The following RIBC1 variants were observed in gnomAD, a reference collection of about 807,000 sequenced individuals.
The protein encoded by RIBC1 is RIB43A domain with coiled-coils 1.
A neutral mutation model predicts 33.7 loss-of-function variants in RIBC1; 12 were observed. That is an observed-to-expected ratio of 0.36 (90% CI 0.23 to 0.58). The LOEUF (loss-of-function observed/expected upper bound fraction) is 0.58, where lower values mean the gene tolerates loss of function less well. Among genes scored for constraint, RIBC1 ranks in the 20% least tolerant of loss-of-function variants. The pLI is 0.81. For synonymous variants in RIBC1, 89 were observed against 109.0 expected, an observed-to-expected ratio of 0.82 and a Z score of 1.14; for missense variants, 242 against 311.6, an observed-to-expected ratio of 0.78 and a Z score of 1.68.
At chrX:53,423,984 G>A (rs946427882) in intron 2 of RIBC1, among the ~76,000 whole-genome samples, 2 of 111,354 alleles carry the variant, frequency 1.8e-5, no homozygotes, top group Non-Finnish European at 3.8e-5. Flanking sequence ...CGAAGCAGGA[G>A]GATCACTTGA....
rs781985532 is a variant in RIBC1 at position 53,429,933 on chromosome X, G to A, written c.624G>A (p.Ala208=). 3.4e-5 allele frequency: 41 copies of A among 1,209,748 alleles called. No individual in the cohort carries two copies. The highest frequency in any genetic ancestry group is 1.3e-4 in the Admixed American group (6 of 46,072). ...HLARLEESCR[A]AMMCAMANAN... ...CCAGGCTGGAGGAGTCCTGTCGTGC[G>A]GCCATGATGTGTGCCATGGCCAACG... The change falls in exon 6 of 8, where the codon GCG becomes GCA. Residue 208 remains alanine (A), a synonymous_variant. Coordinates refer to ENST00000375327, the MANE Select transcript of RIBC1 (RefSeq NM_001031745.5).
At chrX:53,428,749 G>T (rs1556893661) in intron 5 of RIBC1, 122 bp downstream of exon 5, 1 of 1,127,603 alleles carries the variant, frequency 8.9e-7, no homozygotes, top group Non-Finnish European at 1.2e-6. Flanking sequence ...TAGGGTTGGT[G>T]CTGAAATGTT....
At position 53,428,061 on chromosome X, in the gene RIBC1, A is replaced by G; in HGVS notation, c.176A>G (p.Glu59Gly). ...GACCGAAAGCGTCGGGAAGCAGCAGAAAGAAGCAAGGAGGCAGCTTATGGT... is the reference window on the plus strand; with the variant it reads ...GACCGAAAGCGTCGGGAAGCAGCAGGAAGAAGCAAGGAGGCAGCTTATGGT... Reference protein sequence around the residue: ...VGDRKRREAAERSKEAAYGTS... With the variant: ...VGDRKRREAAGRSKEAAYGTS... Residue 59 changes from glutamate to glycine, a missense_variant, in exon 4 of 8, where the codon GAA (glutamate) becomes GGA (glycine). Coordinates refer to ENST00000375327, the MANE Select transcript of RIBC1 (RefSeq NM_001031745.5). The G allele has an allele frequency of 1.7e-6, 2 of 1,211,770 alleles. No homozygotes were observed. Among genetic ancestry groups the G allele is most frequent in the South Asian group, 3.5e-5 (2 of 56,985 alleles).
chrX:53,429,783 C>A, intron 5 of RIBC1, 71 bp from the exon 6 acceptor site: 1 of 1,150,575 alleles, frequency 8.7e-7, no homozygotes, highest in Non-Finnish European at 1.2e-6. Flanking sequence ...ACTTGCTGAA[C>A]AAATGGCTGG....
chrX:53,425,048 C>T (rs868976695), intron 2 of RIBC1, among the ~76,000 whole-genome samples: 34 of 111,239 alleles, frequency 3.1e-4, no homozygotes, highest in African/African-American at 9.2e-4. Flanking sequence ...AAAAATCAGC[C>T]GGGCATATAT....
At chrX:53,424,009 G>C (rs902177343) in intron 2 of RIBC1, among the ~76,000 whole-genome samples, 2 of 111,301 alleles carry the variant, frequency 1.8e-5, no homozygotes, top group Non-Finnish European at 3.8e-5. Flanking sequence ...GGGAGGTTGA[G>C]GCTGTAGTGA....
chrX:53,426,430 GC>G, intron 3 of RIBC1, 37 bp downstream of exon 3: 1 of 907,640 alleles, frequency 1.1e-6, no homozygotes, highest in Non-Finnish European at 1.6e-6. Flanking sequence ...CAGGATCAGG[GC>G]CACCTCACTC....
chrX:53,429,758 A>G (rs901660980), intron 5 of RIBC1, 96 bp from the exon 6 acceptor site: 3 of 1,128,003 alleles, frequency 2.7e-6, no homozygotes, highest in African/African-American at 3.5e-5. Context: ...ACATTCGTAC[A>G]CACACAAACA....
intron 5 of RIBC1, chrX:53,429,325 C>A (rs1264893988): frequency 8.7e-6 from 1 of 115,318 alleles, no homozygotes; most frequent in Non-Finnish European, 1.8e-5. Flanking sequence ...TCATGCCATG[C>A]CCTCAGCCTG....
At chrX:53,426,667 C>A (rs1556893298) in intron 3 of RIBC1, among the ~76,000 whole-genome samples, 1 of 111,653 alleles carries the variant, frequency 9.0e-6, no homozygotes, top group African/African-American at 3.3e-5. Context: ...TTGAGACAGG[C>A]AACATGGAGC....
chrX:53,425,004 T>C (rs1177862270), intron 2 of RIBC1, among the ~76,000 whole-genome samples: 4 of 111,378 alleles, frequency 3.6e-5, no homozygotes, highest in East Asian at 5.7e-4. Context: ...CTATCCTGGC[T>C]AACACTGTGA....
chrX:53,430,277 C>A, intron 6 of RIBC1, 119 bp from the exon 7 acceptor site: 1 of 586,110 alleles, frequency 1.7e-6, no homozygotes, highest in Non-Finnish European at 2.7e-6. Flanking sequence ...CATTGAAAGG[C>A]CATGCAGTAT....
intron 2 of RIBC1, among the ~76,000 whole-genome samples, chrX:53,424,787 C>T (rs1350406362): frequency 1.8e-5 from 2 of 109,769 alleles, no homozygotes; most frequent in African/African-American, 3.3e-5. Context: ...TAAGTGACGC[C>T]GGGCACAATG....
chrX:53,427,189 G>C (rs890463259), intron 3 of RIBC1, among the ~76,000 whole-genome samples: 4 of 112,235 alleles, frequency 3.6e-5, no homozygotes, highest in African/African-American at 1.3e-4. Context: ...GTGGATAGAG[G>C]GGGGATGCAG....
At chrX:53,423,160 G>T (rs1350599768) in intron 1 of RIBC1, among the ~76,000 whole-genome samples, 154 bp from the exon 2 acceptor site, 1 of 111,109 alleles carries the variant, frequency 9.0e-6, no homozygotes, top group East Asian at 2.8e-4. Context: ...CTTTGCTAAT[G>T]GTGGGGTGGG....
At chrX:53,423,109 G>A (rs781888172) in intron 1 of RIBC1, 105 bp downstream of exon 1, 29 of 170,807 alleles carry the variant, frequency 1.7e-4, no homozygotes, top group Non-Finnish European at 2.9e-4. Flanking sequence ...TGGACGGGAA[G>A]GAGGGGCCAA....
rs782449000 is a variant in RIBC1, at chrX:53,431,040, G to T, written c.*52G>T. 3.3e-6 allele frequency: 4 copies of T among 1,207,444 alleles called. No homozygotes were observed. Among genetic ancestry groups the T allele is most frequent in the Non-Finnish European group, 3.4e-6 (3 of 893,889 alleles). On this transcript the variant is annotated 3_prime_UTR_variant, in exon 8 of 8. Transcript: ENST00000375327. ...TTCTCCTCCATCAAGCTCACAGGTGGTTAGGAGTCAAAGAGAAAAATGCTG... is the reference window on the plus strand; with the variant it reads ...TTCTCCTCCATCAAGCTCACAGGTGTTTAGGAGTCAAAGAGAAAAATGCTG...
At position 53,430,563 on chromosome X, in the gene RIBC1, G is replaced by T. The variant is rs1371414435; in HGVS notation, c.831G>T (p.Met277Ile). ...TCCTGCCCTATTGCTGGAAGGGCAT[G>T]ACTCCAGAGCAGCAAGCTGCCATCA... ...YRVLPYCWKG[M>I]TPEQQAAIRK... The change falls in exon 7 of 8, where the codon ATG becomes ATT. Residue 277 changes from methionine (M) to isoleucine (I), a missense_variant. Physicochemically the swap from Met to Ile is conservative, Grantham distance 10. Coordinates refer to ENST00000375327, the MANE Select transcript of RIBC1 (RefSeq NM_001031745.5). The T allele has an allele frequency of 1.3e-5, 16 of 1,205,812 alleles. No homozygotes were observed. The highest frequency in any genetic ancestry group is 1.8e-5 in the Non-Finnish European group (16 of 892,971).
rs181062154 is a variant in RIBC1, at chrX:53,427,662, G to A, written c.118-341G>A. Reference sequence around the variant, plus strand: ...GGAAAGTGAAGGCTGAGCTGGTCTCGAAGGACAAATTGGAATTTGTGTAAA... The same window carrying A: ...GGAAAGTGAAGGCTGAGCTGGTCTCAAAGGACAAATTGGAATTTGTGTAAA... On this transcript the variant is annotated intron_variant, in intron 3 of 7. Coordinates refer to ENST00000375327, the MANE Select transcript of RIBC1 (RefSeq NM_001031745.5). Among the ~76,000 whole-genome samples the A allele has an allele frequency of 8.9e-5, 10 of 112,369 alleles. No individual in the cohort carries two copies. The East Asian group carries it at 2.5e-3, about 28-fold the overall frequency.
Sources: allele counts gnomAD v4.1 joint callset (sites outside exome capture counted in the v4.1 genomes callset), GRCh38; gene constraint gnomAD v4.1.1; transcripts MANE v1.5; gene names NCBI Gene and HGNC (gene_info 2026-07-23, HGNC 2026-07-21).